Variants in PPP2R5C observed in about 807,000 individuals in gnomAD.
PPP2R5C encodes serine/threonine-protein phosphatase 2A 56 kDa regulatory subunit gamma isoform.
A neutral mutation model predicts 68.9 loss-of-function variants in PPP2R5C; 7 were observed. The ratio of observed to expected loss-of-function variants is 0.10; its 90% confidence interval spans 0.06 to 0.19. The LOEUF is 0.19. PPP2R5C is among the 10% of genes least tolerant of loss of function. The probability of loss-of-function intolerance (pLI) is 1.00; values close to 1 mark genes in which losing one functional copy is unlikely to be tolerated. For missense variants in PPP2R5C, 348 were observed against 641.3 expected (o/e 0.54, Z 4.94); for synonymous variants, 210 against 222.2 (o/e 0.95, Z 0.49).
chr14:101,849,495 A>G (rs2042022487), intron 1 of PPP2R5C, among the ~76,000 whole-genome samples: 2 of 145,018 alleles, frequency 1.4e-5, no homozygotes, highest in African/African-American at 5.2e-5. Context: ...AACCTGATTA[A>G]GACTTTTTCC....
intron 2 of PPP2R5C, among the ~76,000 whole-genome samples, chr14:101,880,619 G>A (rs1450539902): frequency 6.6e-6 from 1 of 152,140 alleles, no homozygotes; most frequent in African/African-American, 2.4e-5. Flanking sequence ...AACGTAGCGA[G>A]TTCTTGTCTC....
At chr14:101,925,070 C>G in intron 13 of PPP2R5C, 71 bp from the exon 16 acceptor site, 2 of 1,563,926 alleles carry the variant, frequency 1.3e-6, no homozygotes, top group South Asian at 2.3e-5. Context: ...CCTTTGACTT[C>G]CACCTCAGAA....
chr14:101,796,071 C>A (rs1055853479), intron 3 of PPP2R5C, among the ~76,000 whole-genome samples: 1 of 152,150 alleles, frequency 6.6e-6, no homozygotes, highest in Non-Finnish European at 1.5e-5. Context: ...GATCCACCCA[C>A]CTCCGCCTCC....
chr14:101,918,374 CTCCCCCTGTCCCCTCACCCCCTTGCCCCT>C (rs2046801794), intron 13 of PPP2R5C, among the ~76,000 whole-genome samples: 1 of 137,356 alleles, frequency 7.3e-6, no homozygotes, highest in Non-Finnish European at 1.6e-5. Context: ...CTCCTTGCCC[CTCCCCCTGTCCCCTCACCCCCTTGCCCCT>C]CCCCCCTTGC....
intron 2 of PPP2R5C, among the ~76,000 whole-genome samples, chr14:101,776,131 G>A (rs2037410687): frequency 6.6e-6 from 1 of 150,876 alleles, no homozygotes; most frequent in Non-Finnish European, 1.5e-5. Context: ...GAACCCTCTG[G>A]GACCACCGAC....
chr14:101,869,651 A>G (rs955899678), intron 2 of PPP2R5C, among the ~76,000 whole-genome samples: 2 of 151,998 alleles, frequency 1.3e-5, no homozygotes, highest in African/African-American at 2.4e-5. Context: ...TAATTATGCC[A>G]GGCTTGTTTG....
chr14:101,913,481 A>G lies in PPP2R5C; in HGVS notation c.1326+1008A>G, dbSNP rs557200339. Among the ~76,000 whole-genome samples, 6 of 152,362 alleles carry G rather than the reference A, an allele frequency of 3.9e-5. No homozygotes were observed. The highest frequency in any genetic ancestry group is 1.2e-4 in the African/African-American group (5 of 41,586). The stretch of plus-strand genomic sequence containing the variant: ...AAACTCAAATCAGGAAAACGGAATG[A>G]CATTTCTAATTGTGAGCCCTTGAGT... On this transcript the variant is annotated intron_variant, in intron 12 of 13. Coordinates refer to ENST00000334743, the Ensembl canonical transcript of PPP2R5C. This position sits in a 1 kb window ranked among gnomAD's most constrained non-coding sequence, Gnocchi z 4.1.
rs2044878111 is a variant in PPP2R5C, at chr14:101,891,199, A to G, written c.689+903A>G. Among the ~76,000 whole-genome samples, 1 of 151,924 alleles carries G rather than the reference A, an allele frequency of 6.6e-6. No individual in the cohort carries two copies. The highest frequency in any genetic ancestry group is 1.5e-5 in the Non-Finnish European group (1 of 68,010). ...TTTTCCTGCACCTTTTTAGGGATGT[A>G]GTGTAGATGGGCAGTTCCGGGTTCT... On this transcript the variant is annotated intron_variant, in intron 6 of 13. Transcript: ENST00000334743. The surrounding 1 kb of genome is among the most constrained non-coding windows in gnomAD (Gnocchi z 4.9).
chr14:101,846,435 A>G (rs2041835675), intron 1 of PPP2R5C, among the ~76,000 whole-genome samples: 2 of 152,264 alleles, frequency 1.3e-5, no homozygotes, highest in African/African-American at 4.8e-5. Context: ...TGGATAAAAT[A>G]AGACACTTGC....
chr14:101,846,190 C>G (rs908155229), intron 1 of PPP2R5C, among the ~76,000 whole-genome samples: 1 of 152,200 alleles, frequency 6.6e-6, no homozygotes, highest in African/African-American at 2.4e-5. Flanking sequence ...GTGGTACAGA[C>G]AGACCCGGAG....
chr14:101,879,178 C>G lies in PPP2R5C; in HGVS notation c.295-2983C>G, dbSNP rs984624470. ...CGAGCCCCTCTTGCCCGCCCTCCCCCGGGGCTTTGAGCAGAACCCAGAGCA... is the reference window on the plus strand; with the variant it reads ...CGAGCCCCTCTTGCCCGCCCTCCCCGGGGGCTTTGAGCAGAACCCAGAGCA... On this transcript the variant is annotated intron_variant, in intron 2 of 13. Transcript: ENST00000334743. The surrounding 1 kb of genome is among the most constrained non-coding windows in gnomAD (Gnocchi z 4.2). 7.0e-6 allele frequency: 1 copy of G among 143,850 alleles called. No individual in the cohort carries two copies. The highest frequency in any genetic ancestry group is 1.5e-5 in the Non-Finnish European group (1 of 64,870). The allele number at this position is 143,850 out of a possible 1,614,324, so 8.9% of individuals were successfully genotyped here. A position where few individuals can be genotyped will look rare whatever the true frequency, so the allele number is the denominator to read the frequency against.
At chr14:101,874,179 G>A (rs994842385) in intron 2 of PPP2R5C, among the ~76,000 whole-genome samples, 1 of 152,190 alleles carries the variant, frequency 6.6e-6, no homozygotes. Flanking sequence ...ACATGACTGG[G>A]AAGTGATAAG....
At chr14:101,777,130 C>T (rs982051557) in intron 2 of PPP2R5C, among the ~76,000 whole-genome samples, 9 of 152,006 alleles carry the variant, frequency 5.9e-5, no homozygotes, top group Non-Finnish European at 1.2e-4. Flanking sequence ...CCGCCCGCCT[C>T]GGCCTCCCAA....
rs570338985 is a variant in PPP2R5C, at chr14:101,781,111, T to C, written c.94-4907T>C. Among the ~76,000 whole-genome samples the C allele has an allele frequency of 4.9e-4, 74 of 152,154 alleles. No individual in the cohort carries two copies. The highest frequency in any genetic ancestry group is 7.8e-4 in the Non-Finnish European group (53 of 67,998). On this transcript the variant is annotated intron_variant, in intron 2 of 14. Coordinates refer to the PPP2R5C transcript ENST00000328724. The surrounding 1 kb of genome is among the most constrained non-coding windows in gnomAD (Gnocchi z 6.4). ...TACAGGTGCCTTGCGGTGCCGCCACTGGAGGAGTCTTTGCAGGTTTATGGG... is the reference window on the plus strand; with the variant it reads ...TACAGGTGCCTTGCGGTGCCGCCACCGGAGGAGTCTTTGCAGGTTTATGGG...
In PPP2R5C at chr14:101,916,683, CTGGCAGGGTGTGAGGGGCAGGGGTGAGG is replaced by C. The variant is rs1209639842; in HGVS notation, c.1327-1147_1327-1120del. Among the ~76,000 whole-genome samples, 1 of 102,304 alleles carries C rather than the reference CTGGCAGGGTGTGAGGGGCAGGGGTGAGG, an allele frequency of 9.8e-6. No homozygotes were observed. Among genetic ancestry groups the C allele is most frequent in the African/African-American group, 3.8e-5 (1 of 26,452 alleles). 67.1% of individuals were successfully genotyped at this position (102,304 alleles called of 152,430 possible). On this transcript the variant is annotated intron_variant, in intron 12 of 13. Coordinates refer to ENST00000334743, the Ensembl canonical transcript of PPP2R5C. This position sits in a 1 kb window ranked among gnomAD's most constrained non-coding sequence, Gnocchi z 5.5. ...TGGCTGAGAACGGAGCTGCTCTGGGCTGGCAGGGTGTGAGGGGCAGGGGTGAGGGGGCAGGGGGTGAGAGGCAGGGGTG... is the reference window on the plus strand; with the variant it reads ...TGGCTGAGAACGGAGCTGCTCTGGGCGGGCAGGGGGTGAGAGGCAGGGGTG...
intron 3 of PPP2R5C, among the ~76,000 whole-genome samples, chr14:101,802,951 T>TAAAAAAAAAAA: frequency 1.0e-5 from 1 of 99,932 alleles, no homozygotes; most frequent in Non-Finnish European, 2.0e-5. Flanking sequence ...GGCTACTATT[T>TAAAAAAAAAAA]AAAAAAAAAA....
chr14:101,910,131 T>C (rs1454182752), intron 11 of PPP2R5C, among the ~76,000 whole-genome samples: 1 of 152,244 alleles, frequency 6.6e-6, no homozygotes, highest in Non-Finnish European at 1.5e-5. Flanking sequence ...GGGTGTTCTC[T>C]GGAATCTAGT....
chr14:101,799,404 C>T (rs866336684), intron 3 of PPP2R5C, among the ~76,000 whole-genome samples: 17 of 152,178 alleles, frequency 1.1e-4, no homozygotes, highest in Admixed American at 2.0e-4. Context: ...GCTGGCTTCT[C>T]TAAACGTGAG....
chr14:101,894,247 C>G (rs923608911), intron 7 of PPP2R5C, among the ~76,000 whole-genome samples: 4 of 152,180 alleles, frequency 2.6e-5, no homozygotes, highest in Admixed American at 6.5e-5. Flanking sequence ...CAAGAAAATC[C>G]CATCATACTG....
Sources: gnomAD v4.1 joint callset for allele counts (sites outside exome capture counted in the v4.1 genomes callset) on GRCh38, gnomAD v4.1.1 for gene constraint, Gnocchi (gnomAD v3.1) non-coding constraint, MANE v1.5 for transcripts, NCBI Gene and HGNC (gene_info 2026-07-23, HGNC 2026-07-21) for gene names.